Variants in DCAF8L2 observed in about 807,000 individuals in gnomAD.
DCAF8L2 encodes DDB1 and CUL4 associated factor 8 like 2.
For missense variants in DCAF8L2, 430 were observed against 490.7 expected (o/e 0.88, Z 1.17); for synonymous variants, 200 against 190.9 (o/e 1.05, Z -0.39).
At chrX:27,681,945 C>T (rs1930342775) in intron 3 of DCAF8L2, among the ~76,000 whole-genome samples, 1 of 111,264 alleles carries the variant, frequency 9.0e-6, no homozygotes, top group African/African-American at 3.3e-5. Context: ...AACGGAGTCG[C>T]GTTTCTTGGT....
chrX:27,503,285 CA>C, the DCAF8L2 span, among the ~76,000 whole-genome samples: 2 of 111,053 alleles, frequency 1.8e-5, no homozygotes, highest in Admixed American at 9.6e-5. Context: ...TATGCAGGGC[CA>C]AAAAATTTAA....
chrX:27,625,431 C>T (rs774744379), intron 1 of DCAF8L2, among the ~76,000 whole-genome samples: 13 of 111,854 alleles, frequency 1.2e-4, no homozygotes, highest in African/African-American at 2.3e-4. Flanking sequence ...TAAATTCAGC[C>T]GCTGTGGAAA....
At chrX:27,672,313 T>C (rs1678721750) in intron 2 of DCAF8L2, among the ~76,000 whole-genome samples, 1 of 111,804 alleles carries the variant, frequency 8.9e-6, no homozygotes, top group South Asian at 3.7e-4. Context: ...GGTAATCGTT[T>C]TTAAACATTC....
At chrX:27,497,509 T>TTCCTTCCTTCCTTCCTTCCTTCC in the DCAF8L2 span, among the ~76,000 whole-genome samples, 3 of 46,528 alleles carry the variant, frequency 6.4e-5, no homozygotes, top group African/African-American at 2.9e-4. Context: ...TCTTTCTTTC[T>TTCCTTCCTTCCTTCCTTCCTTCC]TTCCTTCCTT....
At chrX:27,629,763 T>C (rs1383171086) in intron 1 of DCAF8L2, among the ~76,000 whole-genome samples, 2 of 111,619 alleles carry the variant, frequency 1.8e-5, no homozygotes, top group Admixed American at 9.6e-5. Flanking sequence ...TCCTGCTTTG[T>C]TCTTTCTCAA....
the DCAF8L2 span, among the ~76,000 whole-genome samples, chrX:27,577,364 C>A: frequency 3.6e-5 from 4 of 111,688 alleles, no homozygotes; most frequent in African/African-American, 1.3e-4. Context: ...GAAAAGTTTA[C>A]GGAGTTGTGC....
At chrX:27,701,792 T>A (rs903030412) in intron 3 of DCAF8L2, among the ~76,000 whole-genome samples, 1 of 110,334 alleles carries the variant, frequency 9.1e-6, no homozygotes, top group Non-Finnish European at 1.9e-5. Context: ...AACTTCCACA[T>A]TGAGAAACTA....
intron 1 of DCAF8L2, among the ~76,000 whole-genome samples, chrX:27,626,733 A>C (rs929619482): frequency 5.3e-5 from 6 of 112,200 alleles, no homozygotes; most frequent in African/African-American, 1.9e-4. Flanking sequence ...AACACTGCAC[A>C]CAAAGGATGA....
chrX:27,541,215 C>A, the DCAF8L2 span, among the ~76,000 whole-genome samples: 1 of 111,547 alleles, frequency 9.0e-6, no homozygotes, highest in Admixed American at 9.5e-5. Context: ...CAACAAAGCA[C>A]GGACAGCCAT....
chrX:27,587,492 A>G (rs1322476099), upstream of DCAF8L2, among the ~76,000 whole-genome samples: 1 of 111,778 alleles, frequency 8.9e-6, no homozygotes, highest in Non-Finnish European at 1.9e-5. Context: ...TCTTTTACAC[A>G]TTCAGTTCAG....
intron 2 of DCAF8L2, among the ~76,000 whole-genome samples, chrX:27,659,015 A>G (rs904508293): frequency 6.3e-5 from 7 of 111,791 alleles, no homozygotes; most frequent in Admixed American, 4.7e-4. Flanking sequence ...CCTTTCCCCT[A>G]GATCTCTCTG....
At chrX:27,617,538 T>G (rs772953847) in intron 1 of DCAF8L2, among the ~76,000 whole-genome samples, 1 of 111,425 alleles carries the variant, frequency 9.0e-6, no homozygotes, top group South Asian at 3.7e-4. Flanking sequence ...CTAATTTGCT[T>G]ATTTAGGATC....
chrX:27,502,670 T>G, the DCAF8L2 span, among the ~76,000 whole-genome samples: 1 of 110,293 alleles, frequency 9.1e-6, no homozygotes, highest in Admixed American at 9.9e-5. Context: ...TAAAACTTCA[T>G]GTAAGTTTCA....
chrX:27,673,226 G>A (rs1930013412), intron 2 of DCAF8L2, among the ~76,000 whole-genome samples: 1 of 110,668 alleles, frequency 9.0e-6, no homozygotes, highest in South Asian at 3.8e-4. Flanking sequence ...AAGATTTGGG[G>A]ACCAAGCACA....
intron 4 of DCAF8L2, among the ~76,000 whole-genome samples, chrX:27,736,758 T>G (rs187458340): frequency 1.8e-5 from 2 of 111,769 alleles, no homozygotes; most frequent in Non-Finnish European, 3.8e-5. Flanking sequence ...TCTCAAAGTG[T>G]GATTGGGGAA....
At chrX:27,473,879 A>AT in the DCAF8L2 span, among the ~76,000 whole-genome samples, 1 of 111,064 alleles carries the variant, frequency 9.0e-6, no homozygotes, top group East Asian at 2.8e-4. Context: ...AAGAATACGC[A>AT]TTTTTTGCAA....
the DCAF8L2 span, among the ~76,000 whole-genome samples, chrX:27,521,378 T>C: frequency 2.7e-5 from 3 of 112,422 alleles, no homozygotes; most frequent in African/African-American, 9.7e-5. Context: ...GCCATACATC[T>C]TTAGAAACAG....
chrX:27,587,985 A>AAAAAAAATAT, upstream of DCAF8L2, among the ~76,000 whole-genome samples: 1 of 22,364 alleles, frequency 4.5e-5, no homozygotes, highest in African/African-American at 9.8e-5. Context: ...TAAAAAAAAA[A>AAAAAAAATAT]ATATATATAT....
At chrX:27,562,824 C>G in the DCAF8L2 span, among the ~76,000 whole-genome samples, 9 of 112,188 alleles carry the variant, frequency 8.0e-5, no homozygotes, top group Non-Finnish European at 1.5e-4. Context: ...GTGGAAAGAG[C>G]TGATAGCTAG....
Sources: allele counts gnomAD v4.1 joint callset (sites outside exome capture counted in the v4.1 genomes callset), GRCh38; gene constraint gnomAD v4.1.1; transcripts MANE v1.5; gene names NCBI Gene and HGNC (gene_info 2026-07-23, HGNC 2026-07-21).